The following TEX9 variants were observed in gnomAD, a reference collection of about 807,000 sequenced individuals.
TEX9 encodes testis-expressed protein 9.
Under a neutral mutation model 59.6 loss-of-function variants are expected in TEX9, and 74 were observed. The ratio of observed to expected loss-of-function variants is 1.24; its 90% confidence interval spans 1.03 to 1.51. TEX9 has a LOEUF of 1.51. TEX9 is among the 40% of genes most tolerant of loss of function. TEX9 has a pLI of 0.00. For missense variants in TEX9, 522 were observed against 447.8 expected (o/e 1.17, Z -1.49); for synonymous variants, 186 against 152.2 (o/e 1.22, Z -1.64).
chr15:56,435,768 C>G (rs2050713525), intron 12 of TEX9, among the ~76,000 whole-genome samples: 1 of 152,016 alleles, frequency 6.6e-6, no homozygotes, highest in African/African-American at 2.4e-5. Flanking sequence ...GAATTCTACA[C>G]AATCTCTTCC....
intron 1 of TEX9, among the ~76,000 whole-genome samples, chr15:56,339,664 G>A (rs2046336424): frequency 6.6e-6 from 1 of 152,108 alleles, no homozygotes; most frequent in African/African-American, 2.4e-5. Flanking sequence ...GATATAGACT[G>A]AATGCTTACG....
chr15:56,341,612 A>G (rs2046373746), intron 1 of TEX9, among the ~76,000 whole-genome samples: 1 of 152,128 alleles, frequency 6.6e-6, no homozygotes, highest in African/African-American at 2.4e-5. Flanking sequence ...AACCCTAAAA[A>G]GAAAGAAAGG....
chr15:56,310,249 T>C (rs2045578855), intron 1 of TEX9, among the ~76,000 whole-genome samples: 1 of 152,246 alleles, frequency 6.6e-6, no homozygotes, highest in East Asian at 1.9e-4. Flanking sequence ...CTGACCAACA[T>C]GGTGAAACCC....
chr15:56,268,564 C>T (rs1020074210), intron 1 of TEX9, among the ~76,000 whole-genome samples: 1 of 152,120 alleles, frequency 6.6e-6, no homozygotes, highest in Non-Finnish European at 1.5e-5. Context: ...AAGGCCTTTT[C>T]TGCATCTATT....
At chr15:56,279,146 G>A (rs2044754683) in intron 1 of TEX9, among the ~76,000 whole-genome samples, 1 of 152,060 alleles carries the variant, frequency 6.6e-6, no homozygotes, top group African/African-American at 2.4e-5. Context: ...CCAGTGACAA[G>A]GATTTTAAAA....
At chr15:56,443,832 T>G in intron 12 of TEX9, 4 of 1,602,480 alleles carry the variant, frequency 2.5e-6, no homozygotes, top group Non-Finnish European at 3.4e-6. Context: ...GCATTCATTT[T>G]TTCTAACTTT....
intron 1 of TEX9, among the ~76,000 whole-genome samples, chr15:56,302,297 G>T (rs1314291615): frequency 1.3e-5 from 2 of 150,504 alleles, no homozygotes; most frequent in African/African-American, 2.5e-5. Context: ...AGACCAGCCT[G>T]GGCAACAGAG....
intron 10 of TEX9, among the ~76,000 whole-genome samples, chr15:56,426,466 T>G (rs1216633972): frequency 6.6e-6 from 1 of 151,166 alleles, no homozygotes; most frequent in East Asian, 1.9e-4. Flanking sequence ...TATTTTGGTC[T>G]GTGTATCATA....
At chr15:56,394,978 T>C in intron 9 of TEX9, 144 bp downstream of exon 9, 3 of 788,884 alleles carry the variant, frequency 3.8e-6, no homozygotes, top group Non-Finnish European at 3.9e-6. Context: ...TAGAATATTT[T>C]TAACAACTTT....
chr15:56,377,113 T>C (rs2047494092), intron 3 of TEX9, among the ~76,000 whole-genome samples: 1 of 152,198 alleles, frequency 6.6e-6, no homozygotes, highest in Non-Finnish European at 1.5e-5. Context: ...CATTGGTCTG[T>C]GTGTCTGTTT....
intron 2 of TEX9, among the ~76,000 whole-genome samples, chr15:56,368,025 C>T (rs2047024288): frequency 6.6e-6 from 1 of 152,030 alleles, no homozygotes. Flanking sequence ...TAGGACTTCC[C>T]GTGTGATATG....
At chr15:56,292,846 T>G (rs577330011) in intron 1 of TEX9, among the ~76,000 whole-genome samples, 1 of 152,322 alleles carries the variant, frequency 6.6e-6, no homozygotes, top group South Asian at 2.1e-4. Context: ...GGTGTAGTCA[T>G]GCCAAGATCT....
chr15:56,355,847 G>T (rs1780374739), intron 1 of TEX9, among the ~76,000 whole-genome samples: 1 of 151,910 alleles, frequency 6.6e-6, no homozygotes, highest in South Asian at 2.1e-4. Flanking sequence ...GTTAAAATTT[G>T]ATTTCCAATT....
chr15:56,367,228 C>G (rs1397698229), intron 2 of TEX9, among the ~76,000 whole-genome samples: 1 of 152,042 alleles, frequency 6.6e-6, no homozygotes, highest in South Asian at 2.1e-4. Flanking sequence ...GTTATCTGTA[C>G]TCTGAGTTGT....
intron 1 of TEX9, among the ~76,000 whole-genome samples, chr15:56,258,440 T>G (rs1318331085): frequency 6.6e-6 from 1 of 152,160 alleles, no homozygotes; most frequent in Non-Finnish European, 1.5e-5. Context: ...TTTTTCCATT[T>G]GTTTGTGTCA....
intron 12 of TEX9, chr15:56,429,649 G>A (rs568643449): frequency 6.6e-6 from 1 of 152,588 alleles, no homozygotes; most frequent in Non-Finnish European, 1.5e-5. Flanking sequence ...CAGGTTTGGA[G>A]TTAAGCCATT....
intron 1 of TEX9, among the ~76,000 whole-genome samples, chr15:56,358,257 G>C (rs1348953908): frequency 1.3e-5 from 2 of 151,886 alleles, no homozygotes; most frequent in Non-Finnish European, 2.9e-5. Context: ...TTATTTGTGG[G>C]GAAGAGATCT....
rs1247476706 is a variant in TEX9, at chr15:56,398,501, C to A, written c.828+3667C>A. On this transcript the variant is annotated intron_variant, in intron 9 of 12. Transcript: ENST00000352903. ...TAATTTGTCATGACTTTACCATTTA[C>A]CGTTATGCACCCAAGCTCTGTCACA... Among the ~76,000 whole-genome samples, 11 of 152,260 alleles carry A rather than the reference C, an allele frequency of 7.2e-5. No homozygotes were observed. The South Asian group carries it at 1.0e-3, about 14-fold the overall frequency.
chr15:56,378,117 C>G (rs1567108821), intron 3 of TEX9, among the ~76,000 whole-genome samples: 1 of 152,062 alleles, frequency 6.6e-6, no homozygotes, highest in Admixed American at 6.6e-5. Context: ...AAACTGAATT[C>G]TGTTTGCTAG....
Sources: allele counts gnomAD v4.1 joint callset (sites outside exome capture counted in the v4.1 genomes callset), GRCh38; gene constraint gnomAD v4.1.1; transcripts MANE v1.5; gene names NCBI Gene and HGNC (gene_info 2026-07-23, HGNC 2026-07-21).